The following DDX31 variants were observed in gnomAD, a reference collection of about 807,000 sequenced individuals.
DDX31 encodes ATP-dependent DNA helicase DDX31.
In DDX31, 70 loss-of-function variants were observed where a neutral mutation model predicts 91.3. The observed-to-expected ratio is 0.77, with a 90% CI of 0.63 to 0.94. DDX31 has a LOEUF of 0.94. Among genes scored for constraint, DDX31 ranks in the 40% least tolerant of loss-of-function variants. The pLI is 0.00. For synonymous variants in DDX31, 362 were observed against 350.6 expected (o/e 1.03, Z -0.36); for missense variants, 902 against 925.0 (o/e 0.98, Z 0.32).
intron 1 of DDX31, among the ~76,000 whole-genome samples, chr9:132,663,816 G>A (rs559822577): frequency 8.8e-4 from 134 of 152,090 alleles, no homozygotes; most frequent in African/African-American, 3.0e-3. Flanking sequence ...AAGTAAAAAC[G>A]GACATATTCC....
chr9:132,617,900 G>A (rs1201396473), intron 18 of DDX31, among the ~76,000 whole-genome samples: 3 of 152,196 alleles, frequency 2.0e-5, no homozygotes, highest in South Asian at 2.1e-4. Flanking sequence ...GTTCTTTCTC[G>A]TTTTTCTTTG....
chr9:132,631,147 T>C (rs1258382521), intron 15 of DDX31, among the ~76,000 whole-genome samples: 4 of 152,252 alleles, frequency 2.6e-5, no homozygotes, highest in Non-Finnish European at 5.9e-5. Context: ...TCATTAAAGC[T>C]AATTGACCAT....
At chr9:132,651,901 ATC>A (rs1230359828) in intron 7 of DDX31, among the ~76,000 whole-genome samples, 2 of 152,220 alleles carry the variant, frequency 1.3e-5, no homozygotes, top group Admixed American at 6.5e-5. Context: ...ACTTCAAATC[ATC>A]TCTGTGATCA....
chr9:132,610,635 C>CT (rs200564919), intron 19 of DDX31, among the ~76,000 whole-genome samples: 27,405 of 147,562 alleles, frequency 0.19, 3,101 homozygotes, highest in East Asian at 0.42. Flanking sequence ...GTCACCTCAT[C>CT]TTTTTTTTTT....
chr9:132,650,367 T>G, intron 8 of DDX31, 69 bp from the exon 9 acceptor site: 1 of 1,455,348 alleles, frequency 6.9e-7, no homozygotes, highest in Non-Finnish European at 9.6e-7. Flanking sequence ...TGATTCCAAA[T>G]TCCCTTTCCT....
chr9:132,621,121 G>T (rs955733414), intron 17 of DDX31, among the ~76,000 whole-genome samples: 1 of 152,212 alleles, frequency 6.6e-6, no homozygotes, highest in East Asian at 1.9e-4. Flanking sequence ...ATGGTTGGGT[G>T]TGTGTATACT....
intron 13 of DDX31, 41 bp from the exon 14 acceptor site, chr9:132,642,104 C>G: frequency 1.9e-6 from 3 of 1,579,460 alleles, no homozygotes; most frequent in Non-Finnish European, 2.6e-6. Context: ...AACTCAGAGA[C>G]AAACTCCAGC....
intron 17 of DDX31, 94 bp downstream of exon 17, chr9:132,625,570 G>T: frequency 2.3e-6 from 2 of 865,716 alleles, no homozygotes; most frequent in Non-Finnish European, 3.8e-6. Flanking sequence ...TGTATTGCTT[G>T]ACAGAGGAAG....
chr9:132,668,134 C>T (rs1835434206), intron 1 of DDX31, among the ~76,000 whole-genome samples: 1 of 152,152 alleles, frequency 6.6e-6, no homozygotes, highest in South Asian at 2.1e-4. Flanking sequence ...GCTAGCTGGA[C>T]TCCTTACTGC....
At chr9:132,628,237 C>T (rs535005579) in intron 16 of DDX31, among the ~76,000 whole-genome samples, 5 of 152,212 alleles carry the variant, frequency 3.3e-5, no homozygotes, top group East Asian at 1.9e-4. Context: ...TTTTCAGAGC[C>T]GACGCCAGTG....
At chr9:132,627,673 A>C (rs892094441) in intron 16 of DDX31, among the ~76,000 whole-genome samples, 1 of 152,258 alleles carries the variant, frequency 6.6e-6, no homozygotes, top group Non-Finnish European at 1.5e-5. Flanking sequence ...TGCAGAAGCA[A>C]AGTTCTGAGC....
intron 11 of DDX31, among the ~76,000 whole-genome samples, chr9:132,647,717 T>TA (rs1295720821): frequency 1.3e-5 from 2 of 152,046 alleles, no homozygotes; most frequent in Non-Finnish European, 2.9e-5. Flanking sequence ...TTCCCAGTGA[T>TA]AAAAAAGAGA....
intron 18 of DDX31, among the ~76,000 whole-genome samples, chr9:132,613,686 C>A (rs552806813): frequency 3.3e-5 from 5 of 152,320 alleles, no homozygotes; most frequent in Admixed American, 1.3e-4. Context: ...AAGAGCAAAA[C>A]TCTGTCTCAA....
chr9:132,618,070 A>C (rs1831756801), intron 18 of DDX31, among the ~76,000 whole-genome samples: 1 of 152,270 alleles, frequency 6.6e-6, no homozygotes, highest in Non-Finnish European at 1.5e-5. Flanking sequence ...TGTTGGGTCA[A>C]AACTCTAGTC....
In DDX31 at chr9:132,625,691, A is replaced by G. The variant is rs770817452; in HGVS notation, c.1686T>C (p.Cys562=). 5.0e-6 allele frequency: 8 copies of G among 1,614,046 alleles called. No individual in the cohort carries two copies. The East Asian group carries it at 1.1e-4, about 22-fold the overall frequency. ...GGGCTCCCCATCGTTTCCCTTTAAAACAATCATCTCTTGTCAGAACACACA... is the reference window on the plus strand; with the variant it reads ...GGGCTCCCCATCGTTTCCCTTTAAAGCAATCATCTCTTGTCAGAACACACA... ...DILCVLTRDD[C]FKGKRWGAQK... The change falls in exon 17 of 20, where the codon TGT becomes TGC. Residue 562 remains cysteine, a synonymous_variant. Coordinates refer to ENST00000372159, the MANE Select transcript of DDX31 (RefSeq NM_022779.9).
chr9:132,658,869 A>G, intron 5 of DDX31, 134 bp from the exon 6 acceptor site: 1 of 745,974 alleles, frequency 1.3e-6, no homozygotes, highest in Admixed American at 3.1e-5. Flanking sequence ...ACTGCCCATT[A>G]TACATCCAAG....
chr9:132,632,893 G>A (rs1832883106), intron 14 of DDX31, among the ~76,000 whole-genome samples: 1 of 152,092 alleles, frequency 6.6e-6, no homozygotes, highest in South Asian at 2.1e-4. Context: ...ACTCTCTCTA[G>A]TCTCTCACCA....
intron 1 of DDX31, 114 bp downstream of exon 1, chr9:132,669,746 C>T: frequency 6.6e-7 from 1 of 1,526,124 alleles, no homozygotes; most frequent in Non-Finnish European, 8.8e-7. Flanking sequence ...TGTCTTTCTC[C>T]CGCTTAACTC....
chr9:132,658,523 C>A, intron 6 of DDX31, 148 bp downstream of exon 6: 1 of 710,816 alleles, frequency 1.4e-6, no homozygotes. Context: ...CTAGATACAA[C>A]ACATTTATGC....
Sources: gnomAD v4.1 joint callset for allele counts (sites outside exome capture counted in the v4.1 genomes callset) on GRCh38, gnomAD v4.1.1 for gene constraint, MANE v1.5 for transcripts, NCBI Gene and HGNC (gene_info 2026-07-23, HGNC 2026-07-21) for gene names.